Variants in CHST11 observed in about 807,000 individuals in gnomAD.
CHST11 encodes C4S-1.
CHST11 carries 9 observed loss-of-function variants against 30.4 expected under a neutral mutation model. The observed-to-expected ratio is 0.30, with a 90% CI of 0.18 to 0.52. The LOEUF is 0.52. Among genes scored for constraint, CHST11 ranks in the 20% least tolerant of loss-of-function variants. The pLI, the probability that CHST11 is intolerant of heterozygous loss-of-function variation, is 0.97. For synonymous variants in CHST11, 152 were observed against 187.8 expected (o/e 0.81, Z 1.56); for missense variants, 348 against 460.6 (o/e 0.76, Z 2.24).
intron 2 of CHST11, among the ~76,000 whole-genome samples, chr12:104,727,992 G>A (rs944182200): frequency 1.1e-4 from 17 of 152,180 alleles, no homozygotes; most frequent in African/African-American, 3.9e-4. Context: ...TGTGCCTTCC[G>A]GCATGTCTGG....
chr12:104,649,278 T>C (rs1190528243), intron 2 of CHST11, among the ~76,000 whole-genome samples: 3 of 152,004 alleles, frequency 2.0e-5, no homozygotes, highest in African/African-American at 7.3e-5. Context: ...AGATCTGGGG[T>C]AATTTTATTA....
At chr12:104,631,373 C>T (rs2039268449) in intron 2 of CHST11, among the ~76,000 whole-genome samples, 1 of 152,146 alleles carries the variant, frequency 6.6e-6, no homozygotes. Context: ...TGGTGCTGTG[C>T]CCAGACCATC....
intron 1 of CHST11, among the ~76,000 whole-genome samples, chr12:104,546,452 A>AC (rs2038349940): frequency 7.6e-6 from 1 of 132,104 alleles, no homozygotes; most frequent in African/African-American, 2.8e-5. Flanking sequence ...TGGGTGACAG[A>AC]CCCTGTCTCA....
chr12:104,701,354 A>G (rs113286973), intron 2 of CHST11, among the ~76,000 whole-genome samples: 6 of 152,224 alleles, frequency 3.9e-5, no homozygotes, highest in Admixed American at 2.0e-4. Flanking sequence ...CTTATACTCA[A>G]TGTTATTGGG....
intron 2 of CHST11, among the ~76,000 whole-genome samples, chr12:104,753,285 C>T (rs972225599): frequency 2.0e-5 from 3 of 152,160 alleles, no homozygotes; most frequent in Admixed American, 1.3e-4. Context: ...GTGCGTCTGA[C>T]GGATCCTCAG....
chr12:104,646,925 T>TAC (rs2039438627), intron 2 of CHST11, among the ~76,000 whole-genome samples: 1 of 152,218 alleles, frequency 6.6e-6, no homozygotes, highest in South Asian at 2.1e-4. Context: ...TTGCTGAGGA[T>TAC]ACAACAGTGA....
intron 2 of CHST11, among the ~76,000 whole-genome samples, chr12:104,748,772 C>T (rs935881345): frequency 2.6e-5 from 4 of 152,150 alleles, no homozygotes; most frequent in South Asian, 2.1e-4. Flanking sequence ...TTTATTATGG[C>T]GGCCCAAACA....
chr12:104,686,669 C>T (rs76161647), intron 2 of CHST11, among the ~76,000 whole-genome samples: 2,063 of 152,226 alleles, frequency 0.014, 53 homozygotes, highest in African/African-American at 0.046. Context: ...TGGTTGGAGA[C>T]GGAGTTTCAT....
intron 1 of CHST11, among the ~76,000 whole-genome samples, chr12:104,527,525 C>A (rs2038139172): frequency 6.6e-6 from 1 of 152,202 alleles, no homozygotes; most frequent in Non-Finnish European, 1.5e-5. Flanking sequence ...ATCCTTCTCT[C>A]TGTCTCCCTC....
At chr12:104,498,094 A>G (rs765854493) in intron 1 of CHST11, among the ~76,000 whole-genome samples, 2 of 151,206 alleles carry the variant, frequency 1.3e-5, no homozygotes, top group African/African-American at 2.4e-5. Flanking sequence ...AATTTTTTGT[A>G]TTTTTAGTAG....
chr12:104,468,678 G>A (rs935345274), intron 1 of CHST11, among the ~76,000 whole-genome samples: 2 of 152,210 alleles, frequency 1.3e-5, no homozygotes, highest in Non-Finnish European at 2.9e-5. Context: ...AAAACTCTAT[G>A]TGTAAACAGC....
chr12:104,557,686 G>A (rs1169377042), intron 1 of CHST11, among the ~76,000 whole-genome samples: 1 of 152,114 alleles, frequency 6.6e-6, no homozygotes, highest in Non-Finnish European at 1.5e-5. Context: ...TAGCGAAGGA[G>A]GGTGGATTGT....
At chr12:104,740,056 T>C (rs558428101) in intron 2 of CHST11, among the ~76,000 whole-genome samples, 6 of 152,354 alleles carry the variant, frequency 3.9e-5, no homozygotes, top group Non-Finnish European at 1.5e-5. Flanking sequence ...TCTGTAAAAA[T>C]TGTATCCTGA....
chr12:104,527,681 C>A lies in CHST11; in HGVS notation c.118+70152C>A, dbSNP rs146027832. ...TTGTTTTGTTTCCTTAGGAAGCTAC[C>A]CGCTATGCCCAACTTAGTGCTCTAT... On this transcript the variant is annotated intron_variant, in intron 1 of 2. Coordinates refer to ENST00000303694, the MANE Select transcript of CHST11 (RefSeq NM_018413.6). Among the ~76,000 whole-genome samples, 13 of 152,256 alleles carry A rather than the reference C, an allele frequency of 8.5e-5. No individual in the cohort carries two copies. In the East Asian group the frequency reaches 1.3e-3, roughly 16 times the overall value.
intron 2 of CHST11, among the ~76,000 whole-genome samples, chr12:104,692,184 C>T (rs1285648500): frequency 2.6e-5 from 4 of 152,212 alleles, no homozygotes; most frequent in Admixed American, 2.0e-4. Flanking sequence ...TGCAGTTTCA[C>T]CCACAGAGCG....
chr12:104,706,121 C>T (rs1022102621), intron 2 of CHST11, among the ~76,000 whole-genome samples: 16 of 151,618 alleles, frequency 1.1e-4, no homozygotes, highest in Admixed American at 3.9e-4. Context: ...CAGTGGCTCA[C>T]GCCTGTAATC....
chr12:104,549,885 CG>C (rs1565983553), intron 1 of CHST11, among the ~76,000 whole-genome samples: 1 of 152,014 alleles, frequency 6.6e-6, no homozygotes, highest in Non-Finnish European at 1.5e-5. Flanking sequence ...CCAGCCTGGG[CG>C]ACAGAGTGAG....
At chr12:104,674,451 ACAAGGCC>A (rs1204751827) in intron 2 of CHST11, among the ~76,000 whole-genome samples, 4 of 152,170 alleles carry the variant, frequency 2.6e-5, no homozygotes, top group Admixed American at 2.0e-4. Context: ...GAACAAACAA[ACAAGGCC>A]CAAGAAACAA....
chr12:104,757,887 T>C lies in CHST11; in HGVS notation c.*84T>C. ...AGAATTATATGGATATTGGGTTATT[T>C]TGTAAATTAATATTTCTTTGGGGAT... On this transcript the variant is annotated 3_prime_UTR_variant, in exon 3 of 3. Transcript: ENST00000303694. This position sits in a 1 kb window ranked among gnomAD's most constrained non-coding sequence, Gnocchi z 6.5. 1 of 1,344,482 alleles carries C rather than the reference T, an allele frequency of 7.4e-7. No homozygotes were observed. Among genetic ancestry groups the C allele is most frequent in the East Asian group, 2.4e-5 (1 of 42,228 alleles). 83.3% of individuals were successfully genotyped at this position (1,344,482 alleles called of 1,614,324 possible). A position where few individuals can be genotyped will look rare whatever the true frequency, so the allele number is the denominator to read the frequency against.
Sources: allele counts gnomAD v4.1 joint callset (sites outside exome capture counted in the v4.1 genomes callset), GRCh38; gene constraint gnomAD v4.1.1; non-coding constraint Gnocchi (gnomAD v3.1); transcripts MANE v1.5; gene names NCBI Gene and HGNC (gene_info 2026-07-23, HGNC 2026-07-21).